The following GLE1 variants were observed in gnomAD, a reference collection of about 807,000 sequenced individuals.
GLE1 encodes the protein mRNA export factor GLE1.
Under a neutral mutation model 97.3 loss-of-function variants are expected in GLE1, and 78 were observed. The ratio of observed to expected loss-of-function variants is 0.80; its 90% CI spans 0.67 to 0.97. The LOEUF (loss-of-function observed/expected upper bound fraction) is 0.97. GLE1 is among the 50% of genes least tolerant of loss of function. GLE1 has a pLI of 0.00. For missense variants in GLE1, 753 were observed against 857.5 expected, an observed-to-expected ratio of 0.88 and a Z score of 1.52; for synonymous variants, 302 against 313.4, an observed-to-expected ratio of 0.96 and a Z score of 0.39.
chr9:128,540,178 C>A, intron 14 of GLE1, 97 bp from the exon 15 acceptor site: 1 of 846,282 alleles, frequency 1.2e-6, no homozygotes, highest in South Asian at 1.4e-5. Context: ...ATCGCACCAC[C>A]GCGCTGCACT....
rs1847218494 is a variant in GLE1, at chr9:128,523,697, G to GCT, written c.751_752dup (p.Gln252CysfsTer72). On this transcript the variant is annotated frameshift_variant, in exon 6 of 16. Transcript: ENST00000309971. LOFTEE classifies it high-confidence loss of function. Reference sequence around the variant, plus strand: ...CCAGATCCGCCTGCGGGCCCTCTATGCTCTGCAGGAGGAGATGCTGCAGCT... The same window carrying GCT: ...CCAGATCCGCCTGCGGGCCCTCTATGCTCTCTGCAGGAGGAGATGCTGCAGCT... 2 of 1,614,142 alleles carry GCT rather than the reference G, an allele frequency of 1.2e-6. No homozygotes were observed. The highest frequency in any genetic ancestry group is 1.7e-6 in the Non-Finnish European group (2 of 1,180,006).
chr9:128,515,910 A>G (rs540185614), intron 3 of GLE1, among the ~76,000 whole-genome samples: 1 of 149,824 alleles, frequency 6.7e-6, no homozygotes, highest in African/African-American at 2.5e-5. Context: ...ATGGTCTGGG[A>G]TTGTTAGATA....
intron 3 of GLE1, among the ~76,000 whole-genome samples, chr9:128,520,290 A>G (rs893733103): frequency 1.3e-5 from 2 of 149,724 alleles, no homozygotes; most frequent in African/African-American, 2.4e-5. Context: ...GTGTATATAT[A>G]TGTGTATATA....
chr9:128,527,408 C>A, intron 8 of GLE1, 48 bp from the exon 9 acceptor site: 2 of 1,383,200 alleles, frequency 1.4e-6, no homozygotes, highest in Non-Finnish European at 2.1e-6. Context: ...TAAGTGACAT[C>A]TACTCAGCTC....
At chr9:128,528,279 C>T (rs1338689643) in intron 9 of GLE1, among the ~76,000 whole-genome samples, 1 of 150,664 alleles carries the variant, frequency 6.6e-6, no homozygotes, top group African/African-American at 2.4e-5. Flanking sequence ...GCTGGGATTA[C>T]AGGCGTGAGC....
At chr9:128,528,874 A>G (rs1589062390) in intron 9 of GLE1, 1 of 152,240 alleles carries the variant, frequency 6.6e-6, no homozygotes, top group Non-Finnish European at 1.5e-5. Flanking sequence ...GTTCATTTGT[A>G]TGGAGCTGTA....
intron 6 of GLE1, 51 bp from the exon 7 acceptor site, chr9:128,525,141 A>G (rs758196750): frequency 2.3e-6 from 3 of 1,329,008 alleles, no homozygotes; most frequent in Non-Finnish European, 3.3e-6. Flanking sequence ...TGTATGAGGT[A>G]TGATTTACCT....
intron 1 of GLE1, 61 bp downstream of exon 1, chr9:128,504,965 C>A (rs369433921): frequency 2.6e-6 from 3 of 1,139,586 alleles, no homozygotes; most frequent in South Asian, 2.5e-5. Flanking sequence ...AACCTTCTCC[C>A]TAGCCGTTGG....
chr9:128,520,135 A>G (rs1052573946), intron 3 of GLE1, among the ~76,000 whole-genome samples: 1 of 152,060 alleles, frequency 6.6e-6, no homozygotes, highest in Admixed American at 6.6e-5. Context: ...CTGTAAACCC[A>G]GCTACTTGGG....
At position 128,507,727 on chromosome 9, in the gene GLE1, A is replaced by G. The variant is rs192322666; in HGVS notation, c.100-1149A>G. On this transcript the variant is annotated intron_variant, in intron 1 of 15. Coordinates refer to ENST00000309971, the MANE Select transcript of GLE1 (RefSeq NM_001003722.2). ...ACATGGTGAAACCCTGTCTCTAGTA[A>G]TAATACAAAAATTAGCCGGGTGTGG... Among the ~76,000 whole-genome samples, 10 of 150,442 alleles carry G rather than the reference A, an allele frequency of 6.6e-5. No homozygotes were observed. In the East Asian group the frequency reaches 1.9e-3, roughly 29 times the overall value.
intron 2 of GLE1, among the ~76,000 whole-genome samples, chr9:128,511,720 A>AT (rs1306177804): frequency 1.3e-5 from 2 of 151,880 alleles, no homozygotes; most frequent in Non-Finnish European, 2.9e-5. Context: ...AAAAAAAAAA[A>AT]TTAACGTGAT....
In GLE1 at chr9:128,518,372, C is replaced by G. The variant is rs567274747; in HGVS notation, c.432+2733C>G. Among the ~76,000 whole-genome samples, 12 of 152,048 alleles carry G rather than the reference C, an allele frequency of 7.9e-5. No individual in the cohort carries two copies. In the East Asian group the frequency reaches 2.3e-3, roughly 29 times the overall value. ...GGTCAGGAGTTTGACACCAGCCTGG[C>G]CAACACAGTAAAACCCTGTCTCTAC... On this transcript the variant is annotated intron_variant, in intron 3 of 15. Transcript: ENST00000309971.
Position 128,541,717 on chromosome 9 carries a change from A to G in GLE1, c.*547A>G, listed in dbSNP as rs990978885. On this transcript the variant is annotated 3_prime_UTR_variant, in exon 16 of 16. Transcript: ENST00000309971. ...ATTCTAAAGCTAGAGGAAGTATGTG[A>G]TATACACATGGACTAAGGCTCAGGT... The G allele has an allele frequency of 1.1e-4, 17 of 160,386 alleles. No homozygotes were observed. The highest frequency in any genetic ancestry group is 5.3e-4 in the Admixed American group (9 of 17,018). The allele number at this position is 160,386 out of a possible 1,614,324, so 9.9% of individuals were successfully genotyped here. A position where few individuals can be genotyped will look rare whatever the true frequency, so the allele number is the denominator to read the frequency against.
At chr9:128,527,984 CT>C (rs1012062215) in intron 9 of GLE1, among the ~76,000 whole-genome samples, 20 of 136,536 alleles carry the variant, frequency 1.5e-4, no homozygotes, top group African/African-American at 4.1e-4. Flanking sequence ...AAAGAAGACT[CT>C]TTTTTTTTTC....
intron 3 of GLE1, among the ~76,000 whole-genome samples, chr9:128,521,105 C>G (rs1847139149): frequency 6.6e-6 from 1 of 152,110 alleles, no homozygotes; most frequent in Non-Finnish European, 1.5e-5. Flanking sequence ...GAAGATTTTT[C>G]CCTGCTGGTG....
rs1564145502 is a variant in GLE1 at position 128,515,561 on chromosome 9, GGTACTTCA to G, written c.357_364del (p.Gln121ThrfsTer44). 6.2e-7 allele frequency: 1 copy of G among 1,603,648 alleles called. No homozygotes were observed. Among genetic ancestry groups the G allele is most frequent in the Non-Finnish European group, 8.5e-7 (1 of 1,170,532 alleles). ...ATGAGTCCCAGCACACAGAATCTAT[GGTACTTCA>G]GTCCTCACGGGGGATCAAAGTGGAA... is the stretch of plus-strand genomic sequence containing the variant. On this transcript the variant is annotated frameshift_variant, in exon 3 of 16. Transcript: ENST00000309971. LOFTEE classifies it high-confidence loss of function.
At chr9:128,539,516 G>C in intron 13 of GLE1, 100 bp from the exon 14 acceptor site, 1 of 966,608 alleles carries the variant, frequency 1.0e-6, no homozygotes, top group Non-Finnish European at 1.7e-6. Flanking sequence ...TGAAATTTTT[G>C]ATAGGTGTGA....
chr9:128,512,754 G>C (rs1019937473), intron 2 of GLE1, among the ~76,000 whole-genome samples: 1 of 151,992 alleles, frequency 6.6e-6, no homozygotes, highest in African/African-American at 2.4e-5. Flanking sequence ...TGCAACCCCA[G>C]GTTCAAGTGA....
intron 15 of GLE1, 36 bp from the exon 16 acceptor site, chr9:128,541,066 A>C (rs1347740945): frequency 8.6e-7 from 1 of 1,157,878 alleles, no homozygotes. Flanking sequence ...CTGTTATCAG[A>C]AACTCATTCT....
Sources: allele counts gnomAD v4.1 joint callset (sites outside exome capture counted in the v4.1 genomes callset), GRCh38; gene constraint gnomAD v4.1.1; transcripts MANE v1.5; gene names NCBI Gene and HGNC (gene_info 2026-07-23, HGNC 2026-07-21).